MTA1: variants seen among roughly 807,000 people sequenced by gnomAD.
MTA1 encodes the protein metastasis associated 1.
A neutral mutation model predicts 97.0 loss-of-function variants in MTA1; 15 were observed. The observed-to-expected ratio is 0.15, with a 90% CI of 0.10 to 0.24. The LOEUF is 0.24. Among genes scored for constraint, MTA1 ranks in the 10% least tolerant of loss-of-function variants. The probability of loss-of-function intolerance (pLI) is 1.00; values close to 1 mark genes in which losing one functional copy is unlikely to be tolerated. For missense variants in MTA1, 709 were observed against 1,015.1 expected, an observed-to-expected ratio of 0.70 and a Z score of 4.10; for synonymous variants, 435 against 417.5, an observed-to-expected ratio of 1.04 and a Z score of -0.51.
At chr14:105,449,230 C>T in intron 3 of MTA1, 129 bp from the exon 4 acceptor site, 1 of 865,478 alleles carries the variant, frequency 1.2e-6, no homozygotes, top group Non-Finnish European at 1.7e-6. Flanking sequence ...TCACGCCCCA[C>T]CGGGAGGCCT....
chr14:105,432,266 A>G (rs1282410802), intron 1 of MTA1, among the ~76,000 whole-genome samples: 1 of 152,050 alleles, frequency 6.6e-6, no homozygotes, highest in Non-Finnish European at 1.5e-5. Flanking sequence ...TTTGAGACGG[A>G]GTCTTGCTCT....
intron 18 of MTA1, chr14:105,467,853 G>A (rs1188399928): frequency 2.5e-5 from 6 of 240,652 alleles, no homozygotes; most frequent in Admixed American, 2.1e-4. Context: ...AGGCATCTTC[G>A]AGCTTTTTGT....
chr14:105,470,423 C>T lies in MTA1; in HGVS notation c.*208C>T. 2.0e-6 allele frequency: 1 copy of T among 500,192 alleles called. No individual in the cohort carries two copies. The highest frequency in any genetic ancestry group is 3.4e-6 in the Non-Finnish European group (1 of 296,136). The allele number at this position is 500,192 out of a possible 1,614,324, so 31.0% of individuals were successfully genotyped here. ...AATGCCGAGGAGTTGTCGTTTTTAG[C>T]TTTGTGTTTACTTTTTGGCTGGAGC... On this transcript the variant is annotated 3_prime_UTR_variant, in exon 21 of 21. Coordinates refer to ENST00000331320, the MANE Select transcript of MTA1 (RefSeq NM_004689.4).
chr14:105,457,791 T>C (rs2083207799), intron 7 of MTA1, among the ~76,000 whole-genome samples: 2 of 152,072 alleles, frequency 1.3e-5, no homozygotes, highest in African/African-American at 4.8e-5. Flanking sequence ...CTGGGCATGG[T>C]GTCGGTGCCT....
At position 105,469,973 on chromosome 14, in the gene MTA1, A is replaced by C. The variant is rs782812851; in HGVS notation, c.1978A>C (p.Met660Leu). Residue 660 changes from methionine to leucine, a missense_variant, in exon 20 of 21, where the codon ATG (methionine) becomes CTG (leucine). By Grantham distance (15) the Met-to-Leu change is conservative (BLOSUM62 2). Coordinates refer to ENST00000331320, the MANE Select transcript of MTA1 (RefSeq NM_004689.4). ...WIDAPDDVFY[M>L]ATEETRKIRK... ...CGACGCCCCGGATGACGTGTTCTACATGGCCACAGAGGAGACCAGGTGGGG... is the reference window on the plus strand; with the variant it reads ...CGACGCCCCGGATGACGTGTTCTACCTGGCCACAGAGGAGACCAGGTGGGG... The C allele has an allele frequency of 6.2e-7, 1 of 1,612,508 alleles. No homozygotes were observed. Among genetic ancestry groups the C allele is most frequent in the Non-Finnish European group, 8.5e-7 (1 of 1,179,852 alleles).
chr14:105,464,186 G>T (rs782698107), intron 13 of MTA1, 39 bp downstream of exon 13: 1 of 1,578,150 alleles, frequency 6.3e-7, no homozygotes, highest in Admixed American at 1.8e-5. Context: ...CCGCACGCCC[G>T]CCTGTGGGCC....
In MTA1 at chr14:105,424,337, G is replaced by A. The variant is rs1312230503; in HGVS notation, c.28+4274G>A. 6.6e-6 allele frequency among the ~76,000 whole-genome samples: 1 copy of A among 151,618 alleles called. No homozygotes were observed. Among genetic ancestry groups the A allele is most frequent in the Non-Finnish European group, 1.5e-5 (1 of 67,962 alleles). On this transcript the variant is annotated intron_variant, in intron 1 of 20. Coordinates refer to ENST00000331320, the MANE Select transcript of MTA1 (RefSeq NM_004689.4). This position sits in a 1 kb window ranked among gnomAD's most constrained non-coding sequence, Gnocchi z 4.0. ...GCCTCCCAAGTAGCTGGGACTACAG[G>A]CGCCCGCCACCATGCCTGGCTAATG...
At position 105,420,770 on chromosome 14, in the gene MTA1, C is replaced by T. The variant is rs1426839404; in HGVS notation, c.28+707C>T. Among the ~76,000 whole-genome samples the T allele has an allele frequency of 1.3e-5, 2 of 152,200 alleles. No homozygotes were observed. The highest frequency in any genetic ancestry group is 1.9e-4 in the East Asian group (1 of 5,184). ...GGGCCCAGCCTCCTGTTGCTCGGGC[C>T]CCCCGGGCCTGCAGCTTTGAGCCTT... On this transcript the variant is annotated intron_variant, in intron 1 of 20. Transcript: ENST00000331320. This position sits in a 1 kb window ranked among gnomAD's most constrained non-coding sequence, Gnocchi z 5.3.
chr14:105,466,519 A>G lies in MTA1; in HGVS notation c.1718A>G (p.Asn573Ser), dbSNP rs782749232. The change falls in exon 17 of 21, where the codon AAC (asparagine) becomes AGC (serine). Residue 573 changes from asparagine (N) to serine (S), a missense_variant. Physicochemically the swap from Asn to Ser is conservative, Grantham distance 46. Around this residue, in one of 2 missense-constraint regions of MTA1, gnomAD observed 388 missense variants for 421.6 expected, o/e 0.92. Transcript: ENST00000331320. ...LTPAKVAPVINNGSPTILGKR... is the reference protein window; with the variant it reads ...LTPAKVAPVISNGSPTILGKR... ...CCCGCCAAGGTGGCCCCCGTCATCA[A>G]CAACGGCTCCCCCACCATCCTGGGC... The G allele has an allele frequency of 3.1e-6, 5 of 1,589,806 alleles. No individual in the cohort carries two copies. The highest frequency in any genetic ancestry group is 2.7e-5 in the African/African-American group (2 of 73,996).
chr14:105,465,060 T>G, intron 15 of MTA1, 34 bp from the exon 16 acceptor site: 1 of 1,479,710 alleles, frequency 6.8e-7, no homozygotes, highest in Non-Finnish European at 9.0e-7. Flanking sequence ...CCCCTGGGGG[T>G]GCCCCACCCC....
At chr14:105,449,759 G>C (rs2082850851) in intron 4 of MTA1, among the ~76,000 whole-genome samples, 1 of 152,214 alleles carries the variant, frequency 6.6e-6, no homozygotes, top group Non-Finnish European at 1.5e-5. Flanking sequence ...GCTGCTTCTG[G>C]GGCTGGCCCG....
intron 1 of MTA1, among the ~76,000 whole-genome samples, chr14:105,438,081 T>A (rs1000789693): frequency 1.3e-5 from 2 of 152,218 alleles, no homozygotes; most frequent in African/African-American, 4.8e-5. Flanking sequence ...GGTATTCCTG[T>A]CATTCCTGGA....
chr14:105,442,639 G>A (rs1376045354), intron 2 of MTA1, among the ~76,000 whole-genome samples: 4 of 99,668 alleles, frequency 4.0e-5, no homozygotes, highest in East Asian at 3.3e-4. Context: ...GTGCAGGAGC[G>A]TCTCAGAACA....
At chr14:105,455,635 C>T (rs1442910821) in intron 7 of MTA1, among the ~76,000 whole-genome samples, 2 of 152,234 alleles carry the variant, frequency 1.3e-5, no homozygotes, top group Non-Finnish European at 2.9e-5. Context: ...CAAGCCTCAG[C>T]CTCCCGAGTA....
rs1489240698 is a variant in MTA1 at position 105,463,287 on chromosome 14, G to A, written c.1017+29G>A. The A allele has an allele frequency of 6.2e-7, 1 of 1,609,944 alleles. No individual in the cohort carries two copies. The highest frequency in any genetic ancestry group is 8.5e-7 in the Non-Finnish European group (1 of 1,179,074). On this transcript the variant is annotated intron_variant, in intron 11 of 20. Transcript: ENST00000331320. This position sits in a 1 kb window ranked among gnomAD's most constrained non-coding sequence, Gnocchi z 5.9. ...AGCCCGCCCGCCACTCAGTGCCCGGGGTGTGCCGCCTCCCCGTCCTGCGCC... is the reference window on the plus strand; with the variant it reads ...AGCCCGCCCGCCACTCAGTGCCCGGAGTGTGCCGCCTCCCCGTCCTGCGCC...
chr14:105,464,277 G>C, intron 13 of MTA1, 130 bp downstream of exon 13: 1 of 1,406,476 alleles, frequency 7.1e-7, no homozygotes, highest in South Asian at 1.3e-5. Context: ...TGCGTCCCAG[G>C]GGTGTGGTTG....
intron 17 of MTA1, 53 bp from the exon 18 acceptor site, chr14:105,466,654 C>T: frequency 6.3e-7 from 1 of 1,598,490 alleles, no homozygotes; most frequent in Non-Finnish European, 8.5e-7. Context: ...CGGGCACCCG[C>T]CGTGCGTGCT....
intron 2 of MTA1, among the ~76,000 whole-genome samples, chr14:105,441,721 G>A (rs1435381555): frequency 2.6e-5 from 4 of 152,152 alleles, no homozygotes; most frequent in Non-Finnish European, 5.9e-5. Context: ...GTGAACCCGG[G>A]AGGTGGAGCT....
intron 1 of MTA1, among the ~76,000 whole-genome samples, chr14:105,428,299 C>CT (rs377439319): frequency 6.6e-5 from 10 of 151,460 alleles, no homozygotes; most frequent in South Asian, 4.2e-4. Flanking sequence ...TGGCGTCTTT[C>CT]TTTTTTTTTG....
Sources: gnomAD v4.1 joint callset for allele counts (sites outside exome capture counted in the v4.1 genomes callset) on GRCh38, gnomAD v4.1.1 for gene constraint, gnomAD v4.1.1 regional missense constraint, Gnocchi (gnomAD v3.1) non-coding constraint, MANE v1.5 for transcripts, NCBI Gene and HGNC (gene_info 2026-07-23, HGNC 2026-07-21) for gene names.